Variants in MARCHF1 observed in about 807,000 individuals in gnomAD.
The protein encoded by MARCHF1 is E3 ubiquitin-protein ligase MARCHF1.
In MARCHF1, 40 loss-of-function variants were observed where a neutral mutation model predicts 54.2. The ratio of observed to expected loss-of-function variants is 0.74; its 90% CI spans 0.57 to 0.96. MARCHF1 has a LOEUF of 0.96. MARCHF1 is among the 40% of genes least tolerant of loss of function. The pLI is 0.00. For synonymous variants in MARCHF1, 236 were observed against 236.3 expected, an observed-to-expected ratio of 1.00 and a Z score of 0.01; for missense variants, 586 against 656.5, an observed-to-expected ratio of 0.89 and a Z score of 1.17.
chr4:163,611,342 A>G (rs536493536), intron 7 of MARCHF1, among the ~76,000 whole-genome samples: 3 of 152,172 alleles, frequency 2.0e-5, no homozygotes, highest in South Asian at 2.1e-4. Flanking sequence ...GCTGCCCTCA[A>G]TGGACATGAG....
chr4:163,528,650 A>T lies in MARCHF1; in HGVS notation c.*98T>A. On this transcript the variant is annotated 3_prime_UTR_variant, in exon 10 of 10. Coordinates refer to ENST00000514618, the MANE Select transcript of MARCHF1 (RefSeq NM_001394959.1). ...AAATGTGTCAGTAGGAGAAAGGAGGAGCTGAAGGGAGTAAATAATTCAAGA... is the reference window on the plus strand; with the variant it reads ...AAATGTGTCAGTAGGAGAAAGGAGGTGCTGAAGGGAGTAAATAATTCAAGA... 1 of 1,224,164 alleles carries T rather than the reference A, an allele frequency of 8.2e-7. No individual in the cohort carries two copies. The allele number at this position is 1,224,164 out of a possible 1,614,324, so 75.8% of individuals were successfully genotyped here. A position where few individuals can be genotyped will look rare whatever the true frequency, so the allele number is the denominator to read the frequency against.
chr4:164,177,009 T>TATATATAAATATATATAC (rs1553989397), intron 1 of MARCHF1, among the ~76,000 whole-genome samples: 1 of 55,576 alleles, frequency 1.8e-5, no homozygotes, highest in Non-Finnish European at 3.6e-5. Flanking sequence ...TATATATATA[T>TATATATAAATATATATAC]ACAAATGATA....
intron 3 of MARCHF1, among the ~76,000 whole-genome samples, chr4:163,857,084 G>A (rs114418916): frequency 0.012 from 1,768 of 148,856 alleles, 32 homozygotes; most frequent in African/African-American, 0.041. Flanking sequence ...ATGAGTATAG[G>A]TGCAAATCAG....
chr4:163,761,902 A>AT (rs1425603409), intron 4 of MARCHF1, among the ~76,000 whole-genome samples: 1 of 152,210 alleles, frequency 6.6e-6, no homozygotes, highest in African/African-American at 2.4e-5. Context: ...ATTTTTTGAG[A>AT]TAAAAACACT....
At chr4:164,259,544 C>CAAAAAAAAAAAAAAAAAAA (rs141030578) in intron 1 of MARCHF1, among the ~76,000 whole-genome samples, 7 of 58,954 alleles carry the variant, frequency 1.2e-4, no homozygotes, top group Admixed American at 2.6e-4. Flanking sequence ...GACCGTGTCT[C>CAAAAAAAAAAAAAAAAAAA]AAAAAAAAAA....
chr4:164,102,196 T>C (rs1210980093), intron 2 of MARCHF1, among the ~76,000 whole-genome samples: 283 of 96,336 alleles, frequency 2.9e-3, no homozygotes, highest in Admixed American at 7.0e-3. Context: ...CTCTGCAGGA[T>C]ATTATCCAGG....
At chr4:164,164,477 TAAAC>T (rs1730320278) in intron 1 of MARCHF1, among the ~76,000 whole-genome samples, 1 of 151,952 alleles carries the variant, frequency 6.6e-6, no homozygotes, top group African/African-American at 2.4e-5. Context: ...TATGAATAAA[TAAAC>T]ATTCAGACCC....
intron 4 of MARCHF1, among the ~76,000 whole-genome samples, chr4:163,813,711 A>G (rs1406720796): frequency 6.6e-6 from 1 of 152,134 alleles, no homozygotes; most frequent in Admixed American, 6.5e-5. Context: ...TACATCCTAG[A>G]CACCAGTAAG....
chr4:164,366,172 T>A (rs1221763236), intron 1 of MARCHF1, among the ~76,000 whole-genome samples: 1 of 152,092 alleles, frequency 6.6e-6, no homozygotes, highest in African/African-American at 2.4e-5. Context: ...ATCATTAACC[T>A]TCCAATACAA....
intron 7 of MARCHF1, among the ~76,000 whole-genome samples, chr4:163,591,619 A>G (rs1311943596): frequency 1.3e-5 from 2 of 152,170 alleles, no homozygotes; most frequent in Non-Finnish European, 2.9e-5. Context: ...GCACTAGACC[A>G]TAATGGACTG....
intron 3 of MARCHF1, among the ~76,000 whole-genome samples, chr4:163,891,316 T>C (rs568079424): frequency 1.3e-5 from 2 of 152,250 alleles, no homozygotes; most frequent in African/African-American, 4.8e-5. Context: ...TTTTAATACC[T>C]GAATTTGTAG....
intron 1 of MARCHF1, among the ~76,000 whole-genome samples, chr4:164,118,753 A>G (rs1356956367): frequency 6.6e-6 from 1 of 151,786 alleles, no homozygotes; most frequent in Non-Finnish European, 1.5e-5. Flanking sequence ...TGCTAAACAA[A>G]CATAGTAGCT....
chr4:164,359,119 A>G (rs750503350), intron 1 of MARCHF1, among the ~76,000 whole-genome samples: 1 of 152,182 alleles, frequency 6.6e-6, no homozygotes, highest in Non-Finnish European at 1.5e-5. Flanking sequence ...GTAATAGGAA[A>G]GCAATTCTGT....
intron 7 of MARCHF1, among the ~76,000 whole-genome samples, chr4:163,587,757 G>A (rs777605764): frequency 6.6e-6 from 1 of 151,926 alleles, no homozygotes; most frequent in African/African-American, 2.4e-5. Context: ...GGAAGCTCCT[G>A]AATCTAAAAC....
chr4:164,068,706 G>A (rs6536791), intron 2 of MARCHF1, among the ~76,000 whole-genome samples: 99,882 of 151,966 alleles, frequency 0.66, 34,620 homozygotes, highest in Non-Finnish European at 0.78. Flanking sequence ...ATGGCCCCCA[G>A]TCCCATTGAC....
chr4:163,770,113 T>C (rs1234746700), intron 4 of MARCHF1, among the ~76,000 whole-genome samples: 5 of 152,050 alleles, frequency 3.3e-5, no homozygotes, highest in African/African-American at 1.2e-4. Flanking sequence ...TATAAAATAA[T>C]AATCACATAC....
chr4:163,905,010 A>G (rs1424521872), intron 3 of MARCHF1, among the ~76,000 whole-genome samples: 5 of 152,102 alleles, frequency 3.3e-5, no homozygotes, highest in Non-Finnish European at 7.4e-5. Context: ...CTTTTAAAAT[A>G]TTTTATTTAA....
intron 1 of MARCHF1, among the ~76,000 whole-genome samples, chr4:164,299,504 A>C (rs1406014811): frequency 6.6e-6 from 1 of 152,190 alleles, no homozygotes; most frequent in Non-Finnish European, 1.5e-5. Context: ...TCAAGTAATC[A>C]AAAGTACATA....
chr4:164,226,544 T>C (rs968049936), intron 1 of MARCHF1, among the ~76,000 whole-genome samples: 1 of 151,944 alleles, frequency 6.6e-6, no homozygotes, highest in African/African-American at 2.4e-5. Context: ...ATACAACACA[T>C]AGAAAACAGC....
Sources: allele counts gnomAD v4.1 joint callset (sites outside exome capture counted in the v4.1 genomes callset), GRCh38; gene constraint gnomAD v4.1.1; transcripts MANE v1.5; gene names NCBI Gene and HGNC (gene_info 2026-07-23, HGNC 2026-07-21).